The following ACTR3B variants were observed in gnomAD, a reference collection of about 807,000 sequenced individuals.
The protein encoded by ACTR3B is actin-related protein 3B.
A neutral mutation model predicts 59.0 loss-of-function variants in ACTR3B; 8 were observed. That is an observed-to-expected ratio of 0.14 (90% CI 0.08 to 0.24). The LOEUF (loss-of-function observed/expected upper bound fraction) is 0.24. ACTR3B is among the 10% of genes least tolerant of loss of function. The pLI is 1.00. For missense variants in ACTR3B, 245 were observed against 552.3 expected (o/e 0.44, Z 5.58); for synonymous variants, 148 against 197.9 (o/e 0.75, Z 2.12).
chr7:152,769,255 G>C (rs1291932830), intron 1 of ACTR3B, among the ~76,000 whole-genome samples: 1 of 152,150 alleles, frequency 6.6e-6, no homozygotes, highest in African/African-American at 2.4e-5. Context: ...CGCATTTTCT[G>C]TGGGTTCTGC....
intron 10 of ACTR3B, among the ~76,000 whole-genome samples, 177 bp downstream of exon 10, chr7:152,852,428 C>T (rs1314552558): frequency 6.6e-6 from 1 of 152,174 alleles, no homozygotes; most frequent in East Asian, 1.9e-4. Flanking sequence ...GAGGTCCTTC[C>T]AGGCTGGTAG....
At chr7:152,828,874 CT>C (rs888739436) in intron 9 of ACTR3B, among the ~76,000 whole-genome samples, 1 of 152,092 alleles carries the variant, frequency 6.6e-6, no homozygotes, top group Non-Finnish European at 1.5e-5. Flanking sequence ...GTGCTTTTGG[CT>C]TCAGAAGAGG....
chr7:152,781,879 G>C (rs944995136), intron 1 of ACTR3B, among the ~76,000 whole-genome samples: 4 of 152,004 alleles, frequency 2.6e-5, no homozygotes, highest in African/African-American at 9.7e-5. Flanking sequence ...TTGAGTTGTG[G>C]AGCTGGAGAG....
chr7:152,814,667 A>G, intron 5 of ACTR3B, 22 bp downstream of exon 5: 1 of 1,593,528 alleles, frequency 6.3e-7, no homozygotes, highest in Non-Finnish European at 8.6e-7. Flanking sequence ...TACGTTTGTG[A>G]TTCCTAAAGC....
chr7:152,768,307 T>G (rs1374302005), intron 1 of ACTR3B, among the ~76,000 whole-genome samples: 2 of 152,242 alleles, frequency 1.3e-5, no homozygotes, highest in Non-Finnish European at 2.9e-5. Flanking sequence ...AACTGCTTTT[T>G]TATTGACACA....
At chr7:152,802,957 T>C (rs1257594683) in intron 4 of ACTR3B, among the ~76,000 whole-genome samples, 1 of 152,248 alleles carries the variant, frequency 6.6e-6, no homozygotes, top group East Asian at 1.9e-4. Flanking sequence ...TCTTCACAGC[T>C]GAAATTGCCA....
rs544693780 is a variant in ACTR3B at position 152,830,812 on chromosome 7, G to A, written c.951+5690G>A. 2.8e-3 allele frequency among the ~76,000 whole-genome samples: 431 copies of A among 152,194 alleles called. 4 individuals are homozygous for A. Among genetic ancestry groups the A allele is most frequent in the African/African-American group, 0.01 (417 of 41,526 alleles). ...GTGATCATCCTGCCTCAGCCCCAAA[G>A]CACTGGGATTATAGGCGTGAACCAC... On this transcript the variant is annotated intron_variant, in intron 9 of 11. Coordinates refer to ENST00000256001, the MANE Select transcript of ACTR3B (RefSeq NM_020445.6).
intron 2 of ACTR3B, among the ~76,000 whole-genome samples, chr7:152,789,314 C>T (rs918923990): frequency 1.3e-5 from 2 of 149,044 alleles, no homozygotes; most frequent in African/African-American, 5.1e-5. Context: ...ATTGCTTGAG[C>T]CCAGGAGATC....
At chr7:152,765,351 A>G (rs544617215) in intron 1 of ACTR3B, among the ~76,000 whole-genome samples, 1 of 151,190 alleles carries the variant, frequency 6.6e-6, no homozygotes, top group Non-Finnish European at 1.5e-5. Flanking sequence ...TCCTGACCTC[A>G]GGTGATCTGC....
At chr7:152,763,189 GCCTGTAGTC>G (rs1026611554) in intron 1 of ACTR3B, among the ~76,000 whole-genome samples, 5 of 151,494 alleles carry the variant, frequency 3.3e-5, no homozygotes, top group African/African-American at 1.2e-4. Context: ...GGTGGTGCGT[GCCTGTAGTC>G]CCAGCTGCTT....
Position 152,769,213 on chromosome 7 carries a change from C to G in ACTR3B, c.44+9287C>G, listed in dbSNP as rs537383151. 2.8e-3 allele frequency among the ~76,000 whole-genome samples: 427 copies of G among 152,272 alleles called. 3 individuals are homozygous for G. Among genetic ancestry groups the G allele is most frequent in the African/African-American group, 9.8e-3 (408 of 41,536 alleles). On this transcript the variant is annotated intron_variant, in intron 1 of 11. Transcript: ENST00000256001. ...TGGACTGAGAATGGCATACTAAGGC[C>G]TCCTATTGTTAGTAACCTATTAAGG...
At chr7:152,768,017 T>C (rs2098115111) in intron 1 of ACTR3B, among the ~76,000 whole-genome samples, 2 of 152,232 alleles carry the variant, frequency 1.3e-5, no homozygotes, top group African/African-American at 4.8e-5. Flanking sequence ...GGCCAGGAAT[T>C]TGAGACCAGC....
intron 1 of ACTR3B, among the ~76,000 whole-genome samples, chr7:152,760,518 C>T (rs1246530858): frequency 6.6e-6 from 1 of 152,206 alleles, no homozygotes; most frequent in Non-Finnish European, 1.5e-5. Flanking sequence ...ACTGCCCTCC[C>T]TGCGCTTTTC....
intron 9 of ACTR3B, among the ~76,000 whole-genome samples, chr7:152,851,330 C>T (rs746853874): frequency 2.6e-5 from 4 of 152,178 alleles, no homozygotes; most frequent in Non-Finnish European, 5.9e-5. Flanking sequence ...TGATGCAGTG[C>T]CCCATGGTGA....
chr7:152,771,057 G>A (rs2098122768), intron 1 of ACTR3B, among the ~76,000 whole-genome samples: 1 of 150,150 alleles, frequency 6.7e-6, no homozygotes, highest in African/African-American at 2.5e-5. Context: ...TCTGCCTCCT[G>A]GGTTTAAGCC....
intron 4 of ACTR3B, among the ~76,000 whole-genome samples, chr7:152,810,481 A>G (rs11767520): frequency 0.6 from 89,123 of 148,838 alleles, 27,918 homozygotes; most frequent in East Asian, 0.75. Context: ...GAGTGCAGTG[A>G]CTATTCACAG....
chr7:152,854,192 T>G lies in ACTR3B; in HGVS notation c.1162-266T>G, dbSNP rs918471226. 6.6e-6 allele frequency among the ~76,000 whole-genome samples: 1 copy of G among 152,192 alleles called. No homozygotes were observed. Among genetic ancestry groups the G allele is most frequent in the African/African-American group, 2.4e-5 (1 of 41,452 alleles). On this transcript the variant is annotated intron_variant, in intron 11 of 11. Transcript: ENST00000256001. This position sits in a 1 kb window ranked among gnomAD's most constrained non-coding sequence, Gnocchi z 4.9. ...TCCAAATAATTATTACTTTTCCCCC[T>G]CACATTTGTGAATAGCTCACACATT...
intron 7 of ACTR3B, among the ~76,000 whole-genome samples, chr7:152,822,012 G>C (rs1169646656): frequency 2.6e-5 from 4 of 152,242 alleles, no homozygotes; most frequent in African/African-American, 9.6e-5. Flanking sequence ...AGTAAGCTGA[G>C]ATGCTGTAGG....
intron 2 of ACTR3B, among the ~76,000 whole-genome samples, chr7:152,796,285 A>T (rs188486569): frequency 5.8e-4 from 89 of 152,206 alleles, no homozygotes; most frequent in Non-Finnish European, 1.1e-3. Context: ...TTATTTACTC[A>T]ATGATTATTT....
Sources: gnomAD v4.1 joint callset for allele counts (sites outside exome capture counted in the v4.1 genomes callset) on GRCh38, gnomAD v4.1.1 for gene constraint, Gnocchi (gnomAD v3.1) non-coding constraint, MANE v1.5 for transcripts, NCBI Gene and HGNC (gene_info 2026-07-23, HGNC 2026-07-21) for gene names.